Variants in TMEM145 observed in about 807,000 individuals in gnomAD.
The protein encoded by TMEM145 is transmembrane protein 145.
TMEM145 carries 46 observed loss-of-function variants against 68.5 expected under a neutral mutation model. The observed-to-expected ratio is 0.67, with a 90% CI of 0.53 to 0.86. TMEM145 has a LOEUF of 0.86. TMEM145 is among the 40% of genes least tolerant of loss of function. The pLI, the probability that TMEM145 is intolerant of heterozygous loss-of-function variation, is 0.00. For synonymous variants in TMEM145, 255 were observed against 280.2 expected (o/e 0.91, Z 0.90); for missense variants, 570 against 645.8 (o/e 0.88, Z 1.27).
Position 42,313,453 on chromosome 19 carries a change from G to T in TMEM145, c.77G>T (p.Arg26Leu), listed in dbSNP as rs771025634. 2 of 1,369,396 alleles carry T rather than the reference G, an allele frequency of 1.5e-6. No individual in the cohort carries two copies. The highest frequency in any genetic ancestry group is 3.6e-5 in the South Asian group (2 of 56,154). 84.8% of individuals were successfully genotyped at this position (1,369,396 alleles called of 1,614,324 possible). A position where few individuals can be genotyped will look rare whatever the true frequency, so the allele number is the denominator to read the frequency against. ...LLLLLLSLPP[R>L]ARAKYVRGNL... is the part of the protein sequence containing the mutation. The stretch of plus-strand genomic sequence containing the variant: ...CTCCTGCTGCTGTCACTGCCCCCCC[G>T]CGCCCGGGCCAAGTACGTGCGGGGC... Residue 26 changes from arginine to leucine, a missense_variant, in exon 1 of 15, where the codon CGC (arginine) becomes CTC (leucine). Physicochemically the swap from Arg to Leu is moderately radical, Grantham distance 102 (BLOSUM62 -2). Transcript: ENST00000301204. This position sits in a 1 kb window ranked among gnomAD's most constrained non-coding sequence, Gnocchi z 5.1.
rs2038844567 is a variant in TMEM145, at chr19:42,315,245, CTT to C, written c.564_565del (p.Cys189LeufsTer17). 2.5e-6 allele frequency: 4 copies of C among 1,608,450 alleles called. No individual in the cohort carries two copies. The highest frequency in any genetic ancestry group is 3.4e-6 in the Non-Finnish European group (4 of 1,176,232). Reference sequence around the variant, plus strand: ...ATCTTCATCCTCATCTTCTTCCTCTCTTGTTACTTTGGATGTGAGTCTGGCAC... The same window carrying C: ...ATCTTCATCCTCATCTTCTTCCTCTCGTTACTTTGGATGTGAGTCTGGCAC... On this transcript the variant is annotated frameshift_variant, in exon 7 of 15. Transcript: ENST00000301204. LOFTEE classifies it high-confidence loss of function.
chr19:42,323,028 C>T lies in TMEM145; in HGVS notation c.1195-555C>T, dbSNP rs1424738460. ...CCAATATTTACTGAAGGCTTATATG[C>T]GCCAGGCATGGTTCTAGAAGGTACT... On this transcript the variant is annotated intron_variant, in intron 13 of 14. Transcript: ENST00000301204. 2.0e-5 allele frequency among the ~76,000 whole-genome samples: 3 copies of T among 152,154 alleles called. No individual in the cohort carries two copies. In the East Asian group the frequency reaches 5.8e-4, roughly 29 times the overall value.
chr19:42,324,269 C>T (rs929488664), intron 14 of TMEM145: 2 of 985,122 alleles, frequency 2.0e-6, no homozygotes, highest in East Asian at 1.1e-4. Flanking sequence ...ACCCTGACCC[C>T]CCTCCCAGGC....
At chr19:42,316,414 G>A in intron 8 of TMEM145, 67 bp from the exon 9 acceptor site, 2 of 1,465,832 alleles carry the variant, frequency 1.4e-6, no homozygotes, top group Non-Finnish European at 1.9e-6. Context: ...CTGGATGGTA[G>A]TGCTAGAGAA....
At position 42,317,815 on chromosome 19, in the gene TMEM145, T is replaced by C. The variant is rs780831260; in HGVS notation, c.1007T>C (p.Val336Ala). 1.2e-6 allele frequency: 2 copies of C among 1,614,202 alleles called. No individual in the cohort carries two copies. The highest frequency in any genetic ancestry group is 1.7e-6 in the Non-Finnish European group (2 of 1,180,026). Residue 336 changes from valine to alanine, a missense_variant, in exon 12 of 15, where the codon GTC (valine) becomes GCC (alanine). Physicochemically the swap from Val to Ala is moderately conservative, Grantham distance 64. Coordinates refer to ENST00000301204, the MANE Select transcript of TMEM145 (RefSeq NM_173633.3). Reference sequence around the variant, plus strand: ...GTGTGGTTCTGCTATGCTGTGCTTGTCTCACTGCGACACTTTCCTGAGAAG... The same window carrying C: ...GTGTGGTTCTGCTATGCTGTGCTTGCCTCACTGCGACACTTTCCTGAGAAG... The part of the protein sequence containing the change: ...AYVWFCYAVL[V>A]SLRHFPEKQP...
chr19:42,319,097 AAAC>A (rs1018693673), intron 12 of TMEM145, among the ~76,000 whole-genome samples: 7 of 152,286 alleles, frequency 4.6e-5, no homozygotes, highest in African/African-American at 9.6e-5. Context: ...AACAAACAAA[AAAC>A]AACAACAACA....
intron 14 of TMEM145, chr19:42,324,204 G>C (rs2038944389): frequency 1.0e-6 from 1 of 970,106 alleles, no homozygotes; most frequent in East Asian, 1.1e-4. Flanking sequence ...CTCCGGGGGA[G>C]GGGGACGGGC....
At position 42,314,256 on chromosome 19, in the gene TMEM145, T is replaced by C; in HGVS notation, c.121-16T>C. ...TGAAGGACTCAGCGGAGGGTCAGAC[T>C]GGGCCCCTTTTTCAGGACTGGGTGT... On this transcript the variant is annotated splice_polypyrimidine_tract_variant and intron_variant, in intron 1 of 14. Transcript: ENST00000301204. 6.2e-7 allele frequency: 1 copy of C among 1,613,946 alleles called. No homozygotes were observed. Among genetic ancestry groups the C allele is most frequent in the Non-Finnish European group, 8.5e-7 (1 of 1,179,940 alleles).
intron 14 of TMEM145, 134 bp from the exon 15 acceptor site, chr19:42,324,603 C>G (rs1045025260): frequency 2.2e-6 from 3 of 1,368,786 alleles, no homozygotes; most frequent in Non-Finnish European, 2.8e-6. Context: ...TATCCCGGCC[C>G]GAGAGCTCGC....
At chr19:42,324,555 C>A in intron 14 of TMEM145, 182 bp from the exon 15 acceptor site, 1 of 985,166 alleles carries the variant, frequency 1.0e-6, no homozygotes, top group Non-Finnish European at 1.2e-6. Context: ...GCCCCATGGG[C>A]CATGACCGGG....
In TMEM145 at chr19:42,323,794, GCCCCGCGGCCCCAGCGC is replaced by G; in HGVS notation, c.1401+8_1401+24del. On this transcript the variant is annotated splice_donor_region_variant and intron_variant, in intron 14 of 14. Coordinates refer to ENST00000301204, the MANE Select transcript of TMEM145 (RefSeq NM_173633.3). ...ATCCCCCCGCCCGCCACCTCCGTAA[GCCCCGCGGCCCCAGCGC>G]CCGAGGAGCTGCTGGCGCCGCCCCT... The G allele has an allele frequency of 6.2e-7, 1 of 1,612,684 alleles. No individual in the cohort carries two copies.
Position 42,313,505 on chromosome 19 carries a change from G to A in TMEM145, c.120+9G>A. On this transcript the variant is annotated intron_variant, in intron 1 of 14. Coordinates refer to ENST00000301204, the MANE Select transcript of TMEM145 (RefSeq NM_173633.3). This position sits in a 1 kb window ranked among gnomAD's most constrained non-coding sequence, Gnocchi z 5.1. ...ACCTCAGTTCCAAGGAGGTGAGCATGCCGAGCCCTCCTCTGCGGCCCGCCG... is the reference window on the plus strand; with the variant it reads ...ACCTCAGTTCCAAGGAGGTGAGCATACCGAGCCCTCCTCTGCGGCCCGCCG... The A allele has an allele frequency of 3.1e-6, 4 of 1,280,362 alleles. No homozygotes were observed. Among genetic ancestry groups the A allele is most frequent in the African/African-American group, 1.5e-5 (1 of 64,588 alleles). The allele number at this position is 1,280,362 out of a possible 1,614,324, so 79.3% of individuals were successfully genotyped here.
Position 42,323,679 on chromosome 19 carries a change from C to T in TMEM145, c.1291C>T (p.Gln431Ter). ...SAGVPGPGGS[Q>*]SADKAFPQHV... ...CGGAGTCCCTGGACCCGGAGGGAGC[C>T]AATCCGCTGACAAGGCCTTCCCGCA... Residue 431 changes from glutamine (Q) to a stop codon, truncating the protein, a stop_gained, in exon 14 of 15, where the codon CAA becomes TAA. Transcript: ENST00000301204. LOFTEE classifies it high-confidence loss of function. 5.6e-6 allele frequency: 9 copies of T among 1,614,184 alleles called. No homozygotes were observed. The highest frequency in any genetic ancestry group is 7.6e-6 in the Non-Finnish European group (9 of 1,180,028).
chr19:42,313,954 T>G lies in TMEM145; in HGVS notation c.121-318T>G, dbSNP rs1002695275. Among the ~76,000 whole-genome samples, 1 of 151,438 alleles carries G rather than the reference T, an allele frequency of 6.6e-6. No homozygotes were observed. Among genetic ancestry groups the G allele is most frequent in the African/African-American group, 2.4e-5 (1 of 41,134 alleles). ...GATATTGGGGGAACGGGGTTAGATATTGGCCAGGACATGAGGTGGCCAGGA... is the reference window on the plus strand; with the variant it reads ...GATATTGGGGGAACGGGGTTAGATAGTGGCCAGGACATGAGGTGGCCAGGA... On this transcript the variant is annotated intron_variant, in intron 1 of 14. Coordinates refer to ENST00000301204, the MANE Select transcript of TMEM145 (RefSeq NM_173633.3). This position sits in a 1 kb window ranked among gnomAD's most constrained non-coding sequence, Gnocchi z 5.1.
At chr19:42,323,102 A>G (rs771714561) in intron 13 of TMEM145, among the ~76,000 whole-genome samples, 1 of 152,202 alleles carries the variant, frequency 6.6e-6, no homozygotes, top group East Asian at 1.9e-4. Context: ...TCATCGAGAC[A>G]TTTTAGAGTC....
chr19:42,315,233 T>C lies in TMEM145; in HGVS notation c.551T>C (p.Ile184Thr), dbSNP rs1454481710. 1 of 1,607,152 alleles carries C rather than the reference T, an allele frequency of 6.2e-7. No homozygotes were observed. Among genetic ancestry groups the C allele is most frequent in the South Asian group, 1.1e-5 (1 of 90,522 alleles). Residue 184 changes from isoleucine to threonine, a missense_variant, in exon 7 of 15, where the codon ATC (isoleucine) becomes ACC (threonine). Ile to Thr is a moderately conservative substitution (Grantham distance 89). Coordinates refer to ENST00000301204, the MANE Select transcript of TMEM145 (RefSeq NM_173633.3). ...DVTFLLIFIL[I>T]FFLSCYFGYL... Reference sequence around the variant, plus strand: ...ACCTTCCTCCTCATCTTCATCCTCATCTTCTTCCTCTCTTGTTACTTTGGA... The same window carrying C: ...ACCTTCCTCCTCATCTTCATCCTCACCTTCTTCCTCTCTTGTTACTTTGGA...
Position 42,324,775 on chromosome 19 carries a change from G to A in TMEM145, c.1440G>A (p.Leu480=), listed in dbSNP as rs1308501864. ...PRAAPDSGLP[L]FRDLRPPGPL... ...CGGCGCCGGATTCTGGGCTCCCGCT[G>A]TTCCGTGACCTCCGGCCCCCTGGCC... The change falls in exon 15 of 15, where the codon CTG becomes CTA. Residue 480 remains leucine (L), a synonymous_variant. Coordinates refer to ENST00000301204, the MANE Select transcript of TMEM145 (RefSeq NM_173633.3). 28 of 1,567,710 alleles carry A rather than the reference G, an allele frequency of 1.8e-5. No homozygotes were observed. Among genetic ancestry groups the A allele is most frequent in the Non-Finnish European group, 2.4e-5 (28 of 1,164,866 alleles).
At position 42,315,397 on chromosome 19, in the gene TMEM145, C is replaced by A. The variant is rs369215118; in HGVS notation, c.603C>A (p.Leu201=). 1.1e-5 allele frequency: 18 copies of A among 1,614,050 alleles called. No homozygotes were observed. The highest frequency in any genetic ancestry group is 1.4e-5 in the Non-Finnish European group (17 of 1,180,032). The change falls in exon 8 of 15, where the codon CTC becomes CTA. Residue 201 remains leucine (L), a synonymous_variant. Coordinates refer to ENST00000301204, the MANE Select transcript of TMEM145 (RefSeq NM_173633.3). ...FGYLLKGRQL[L]HTTYKMFMAA... ...ATTTGCTGAAAGGTCGTCAGTTGCT[C>A]CACACAACTTATAAAATGTTCATGG...
intron 14 of TMEM145, 110 bp from the exon 15 acceptor site, chr19:42,324,627 T>TGCCCC: frequency 2.5e-6 from 3 of 1,178,630 alleles, no homozygotes; most frequent in Non-Finnish European, 3.2e-6. Context: ...TCCCCGGCCT[T>TGCCCC]CCCGACCCTT....
Sources: gnomAD v4.1 joint callset for allele counts (sites outside exome capture counted in the v4.1 genomes callset) on GRCh38, gnomAD v4.1.1 for gene constraint, Gnocchi (gnomAD v3.1) non-coding constraint, MANE v1.5 for transcripts, NCBI Gene and HGNC (gene_info 2026-07-23, HGNC 2026-07-21) for gene names.